The following TAFA2 variants were observed in gnomAD, a reference collection of about 807,000 sequenced individuals.
TAFA2 encodes the protein chemokine-like protein TAFA-2.
A neutral mutation model predicts 18.8 loss-of-function variants in TAFA2; 7 were observed. The ratio of observed to expected loss-of-function variants is 0.37; its 90% CI spans 0.21 to 0.70. The LOEUF is 0.70. TAFA2 is among the 30% of genes least tolerant of loss of function. The pLI is 0.53. For missense variants in TAFA2, 122 were observed against 158.1 expected (o/e 0.77, Z 1.23); for synonymous variants, 60 against 54.2 (o/e 1.11, Z -0.47).
intron 1 of TAFA2, among the ~76,000 whole-genome samples, chr12:62,182,451 T>G (rs2062558750): frequency 6.6e-6 from 1 of 152,072 alleles, no homozygotes; most frequent in Non-Finnish European, 1.5e-5. Context: ...AGAATAAAAT[T>G]TAGTGATAAA....
intron 2 of TAFA2, among the ~76,000 whole-genome samples, chr12:61,763,557 C>T (rs1252009433): frequency 1.3e-5 from 2 of 151,826 alleles, no homozygotes; most frequent in Admixed American, 1.3e-4. Context: ...CACTGTCCAG[C>T]AACTTCTGCT....
At chr12:62,152,055 T>C (rs2062332238) in intron 1 of TAFA2, among the ~76,000 whole-genome samples, 1 of 152,202 alleles carries the variant, frequency 6.6e-6, no homozygotes, top group Non-Finnish European at 1.5e-5. Context: ...CAGGCCCATC[T>C]GTAAAATACA....
chr12:62,187,459 C>T (rs777419504), intron 1 of TAFA2, among the ~76,000 whole-genome samples: 3 of 152,078 alleles, frequency 2.0e-5, no homozygotes, highest in Non-Finnish European at 4.4e-5. Context: ...TTACGTAAAA[C>T]CAGTATTTTA....
chr12:61,924,530 A>G (rs1877194524), intron 1 of TAFA2, among the ~76,000 whole-genome samples: 1 of 152,372 alleles, frequency 6.6e-6, no homozygotes, highest in South Asian at 2.1e-4. Flanking sequence ...TTCACAGGCA[A>G]GCAAATGCTG....
At chr12:61,948,070 G>A (rs1188259002) in intron 1 of TAFA2, among the ~76,000 whole-genome samples, 2 of 151,694 alleles carry the variant, frequency 1.3e-5, no homozygotes. Flanking sequence ...TGCCTGACAG[G>A]CACTTTGAAA....
At chr12:62,031,431 C>T (rs1003411234) in intron 1 of TAFA2, among the ~76,000 whole-genome samples, 9 of 151,958 alleles carry the variant, frequency 5.9e-5, no homozygotes, top group Admixed American at 2.0e-4. Flanking sequence ...AGCCTGCAGA[C>T]GGCCTATTGT....
At chr12:62,221,198 GA>G (rs1281072510) in intron 1 of TAFA2, among the ~76,000 whole-genome samples, 3 of 128,230 alleles carry the variant, frequency 2.3e-5, no homozygotes, top group Non-Finnish European at 3.3e-5. Flanking sequence ...GAGAAGGAAG[GA>G]GGGAAGGAAG....
chr12:61,919,712 T>C (rs1465458746), intron 1 of TAFA2, among the ~76,000 whole-genome samples: 1 of 151,578 alleles, frequency 6.6e-6, no homozygotes, highest in Non-Finnish European at 1.5e-5. Flanking sequence ...TTTTATTTCA[T>C]TATCTGTTAT....
chr12:61,978,448 TA>T (rs1879513264), intron 1 of TAFA2, among the ~76,000 whole-genome samples: 1 of 152,064 alleles, frequency 6.6e-6, no homozygotes, highest in South Asian at 2.1e-4. Context: ...AAATGTATTT[TA>T]AAGTTTAAAA....
chr12:61,783,792 T>A (rs1013449892), intron 2 of TAFA2, among the ~76,000 whole-genome samples: 22 of 151,730 alleles, frequency 1.4e-4, no homozygotes, highest in African/African-American at 5.1e-4. Flanking sequence ...GAAGTCAGTG[T>A]CCTATATTGA....
At chr12:61,904,593 T>A (rs907513316) in intron 1 of TAFA2, among the ~76,000 whole-genome samples, 2 of 152,124 alleles carry the variant, frequency 1.3e-5, no homozygotes, top group African/African-American at 2.4e-5. Flanking sequence ...ACTAATCCCA[T>A]TGATGATCAA....
intron 1 of TAFA2, among the ~76,000 whole-genome samples, chr12:62,054,795 A>G (rs1274175966): frequency 1.3e-5 from 2 of 152,162 alleles, no homozygotes; most frequent in Admixed American, 1.3e-4. Flanking sequence ...ACTTGCATTT[A>G]TTGGTGATTT....
chr12:61,981,398 G>T (rs887084030), intron 1 of TAFA2, among the ~76,000 whole-genome samples: 43 of 152,246 alleles, frequency 2.8e-4, no homozygotes, highest in African/African-American at 1.0e-3. Context: ...CATAGGCATG[G>T]GCAAGGACTT....
At chr12:61,744,634 A>C (rs1310292009) in intron 4 of TAFA2, among the ~76,000 whole-genome samples, 1 of 152,096 alleles carries the variant, frequency 6.6e-6, no homozygotes, top group Non-Finnish European at 1.5e-5. Context: ...GGCTTACTGC[A>C]GCCTCAACCT....
At chr12:61,726,855 G>A (rs957144680) in intron 4 of TAFA2, among the ~76,000 whole-genome samples, 5 of 152,058 alleles carry the variant, frequency 3.3e-5, no homozygotes, top group African/African-American at 1.2e-4. Context: ...TATAATGTTG[G>A]CTGTGGGTTT....
chr12:62,132,181 A>AT (rs1266297625), intron 1 of TAFA2, among the ~76,000 whole-genome samples: 4 of 151,940 alleles, frequency 2.6e-5, no homozygotes, highest in Non-Finnish European at 5.9e-5. Flanking sequence ...TAAAATAAAC[A>AT]ATTCGAGCTC....
intron 2 of TAFA2, among the ~76,000 whole-genome samples, chr12:61,816,769 T>C (rs902785524): frequency 6.6e-6 from 1 of 151,242 alleles, no homozygotes; most frequent in Non-Finnish European, 1.5e-5. Flanking sequence ...GAAGTCTTTA[T>C]TGAGGAGGTA....
At chr12:61,842,377 AT>A (rs908030717) in intron 2 of TAFA2, among the ~76,000 whole-genome samples, 15 of 149,462 alleles carry the variant, frequency 1.0e-4, no homozygotes, top group African/African-American at 2.9e-4. Flanking sequence ...ATGTTTTTTT[AT>A]TTTTTTTTTA....
At chr12:61,833,605 TCGTGTAA>T (rs1456135155) in intron 2 of TAFA2, among the ~76,000 whole-genome samples, 3 of 152,080 alleles carry the variant, frequency 2.0e-5, no homozygotes, top group Admixed American at 1.3e-4. Context: ...TCAACTTAAA[TCGTGTAA>T]CTTCTATCAT....
Sources: gnomAD v4.1 joint callset for allele counts (sites outside exome capture counted in the v4.1 genomes callset) on GRCh38, gnomAD v4.1.1 for gene constraint, MANE v1.5 for transcripts, NCBI Gene and HGNC (gene_info 2026-07-23, HGNC 2026-07-21) for gene names.